TRMT11: variants seen among roughly 807,000 people sequenced by gnomAD.
TRMT11 encodes the protein tRNA (guanine(10)-N(2))-methyltransferase TRMT11.
A neutral mutation model predicts 62.8 loss-of-function variants in TRMT11; 53 were observed. That is an observed-to-expected ratio of 0.84 (90% CI 0.68 to 1.06). TRMT11 has a LOEUF of 1.06. TRMT11 is among the 50% of genes least tolerant of loss of function. The pLI is 0.00. For synonymous variants in TRMT11, 188 were observed against 190.3 expected (o/e 0.99, Z 0.10); for missense variants, 556 against 553.4 (o/e 1.00, Z -0.05).
chr6:126,193,490 A>ATTTT (rs60064329), intron 1 of TRMT11, among the ~76,000 whole-genome samples: 738 of 73,276 alleles, frequency 0.01, 77 homozygotes, highest in African/African-American at 0.039. Flanking sequence ...GCGTTTCTGT[A>ATTTT]TTTTTTTTTT....
intron 2 of TRMT11, among the ~76,000 whole-genome samples, chr6:125,995,154 A>G (rs769693439): frequency 2.2e-4 from 33 of 152,196 alleles, no homozygotes; most frequent in Admixed American, 1.0e-3. Context: ...AAGAAAAAAG[A>G]AAAAAGCTAG....
rs140437542 is a variant in TRMT11, at chr6:126,008,434, A to G, written c.722A>G (p.Tyr241Cys). The change falls in exon 8 of 13, where the codon TAT becomes TGT. Residue 241 changes from tyrosine to cysteine, a missense_variant. Transcript: ENST00000334379. ...TGTGCTCATTTTGGTGCATATGTGTATGGGACAGACATAGACTACAACACA... is the reference window on the plus strand; with the variant it reads ...TGTGCTCATTTTGGTGCATATGTGTGTGGGACAGACATAGACTACAACACA... ...IACAHFGAYVYGTDIDYNTVH... is the reference protein window; with the variant it reads ...IACAHFGAYVCGTDIDYNTVH... 6.2e-6 allele frequency: 10 copies of G among 1,613,130 alleles called. No individual in the cohort carries two copies. Among genetic ancestry groups the G allele is most frequent in the Non-Finnish European group, 8.5e-6 (10 of 1,179,232 alleles).
At chr6:126,200,655 C>T (rs576936335) in intron 3 of TRMT11, among the ~76,000 whole-genome samples, 3 of 152,200 alleles carry the variant, frequency 2.0e-5, no homozygotes, top group East Asian at 3.9e-4. Context: ...CTTGGGTTCA[C>T]GACATTCTCC....
At chr6:126,240,356 T>A in the TRMT11 span, among the ~76,000 whole-genome samples, 4 of 152,206 alleles carry the variant, frequency 2.6e-5, no homozygotes, top group Admixed American at 2.6e-4. Context: ...ACCTTTGGTC[T>A]TTGATGATAG....
chr6:126,074,249 C>T (rs936841204), intron 17 of TRMT11, among the ~76,000 whole-genome samples: 1 of 152,146 alleles, frequency 6.6e-6, no homozygotes, highest in African/African-American at 2.4e-5. Flanking sequence ...CTCAGGGATG[C>T]CTTCTCCAAC....
chr6:126,017,171 G>A (rs1795113673), intron 11 of TRMT11, among the ~76,000 whole-genome samples: 1 of 152,148 alleles, frequency 6.6e-6, no homozygotes, highest in South Asian at 2.1e-4. Flanking sequence ...GTACCTTAGT[G>A]TAGCTTAATT....
intron 17 of TRMT11, among the ~76,000 whole-genome samples, chr6:126,096,285 G>T (rs533106759): frequency 1.3e-5 from 2 of 152,280 alleles, no homozygotes; most frequent in South Asian, 4.2e-4. Flanking sequence ...TCATTCTGTT[G>T]TAAATTTTGT....
chr6:126,000,944 C>G (rs559392422), intron 7 of TRMT11, among the ~76,000 whole-genome samples: 5 of 152,220 alleles, frequency 3.3e-5, no homozygotes, highest in East Asian at 1.9e-4. Flanking sequence ...GGACAAAGAA[C>G]ATGCATGTAT....
chr6:126,258,241 C>T, the TRMT11 span: 33 of 612,286 alleles, frequency 5.4e-5, no homozygotes, highest in Non-Finnish European at 8.9e-5. Context: ...CTGTGCCGCC[C>T]GGGCCTCCTC....
upstream of TRMT11, among the ~76,000 whole-genome samples, chr6:126,174,950 A>G (rs1778368531): frequency 6.6e-6 from 1 of 152,216 alleles, no homozygotes. Context: ...GATAACAACC[A>G]AAGCTCAGAA....
At chr6:126,268,566 G>T in the TRMT11 span, among the ~76,000 whole-genome samples, 3 of 152,124 alleles carry the variant, frequency 2.0e-5, no homozygotes, top group East Asian at 5.8e-4. Flanking sequence ...AGAAGAATTT[G>T]TTCCATGAAT....
chr6:126,060,904 C>T (rs555529506), intron 17 of TRMT11, among the ~76,000 whole-genome samples: 74 of 152,176 alleles, frequency 4.9e-4, no homozygotes, highest in Non-Finnish European at 8.4e-4. Context: ...TTTCTGTGCT[C>T]AGGGATATGG....
At chr6:125,987,013 G>C in intron 1 of TRMT11, 1 of 211,112 alleles carries the variant, frequency 4.7e-6, no homozygotes, top group Non-Finnish European at 9.4e-6. Flanking sequence ...TGGTGGTGGG[G>C]ATTAGATGAT....
chr6:126,203,481 G>A (rs1000308756), downstream of TRMT11, among the ~76,000 whole-genome samples: 3 of 152,094 alleles, frequency 2.0e-5, no homozygotes, highest in African/African-American at 7.2e-5. Context: ...GCCTACCCTG[G>A]TCACCAGCAG....
the TRMT11 span, among the ~76,000 whole-genome samples, chr6:126,244,777 G>T: frequency 1.3e-5 from 2 of 152,130 alleles, no homozygotes; most frequent in African/African-American, 4.8e-5. Flanking sequence ...CAGGTGACAC[G>T]CAAGGTGCAA....
the TRMT11 span, among the ~76,000 whole-genome samples, chr6:126,242,847 G>A: frequency 3.9e-5 from 6 of 152,098 alleles, no homozygotes; most frequent in African/African-American, 1.4e-4. Flanking sequence ...GAAAACCTAG[G>A]CAATACCATT....
chr6:126,185,706 A>C (rs939001686), intron 1 of TRMT11, among the ~76,000 whole-genome samples: 3 of 152,166 alleles, frequency 2.0e-5, no homozygotes, highest in African/African-American at 2.4e-5. Context: ...GCTGCTATGA[A>C]GAAATACCTG....
intron 1 of TRMT11, among the ~76,000 whole-genome samples, chr6:126,186,675 T>C (rs1196465157): frequency 5.3e-5 from 8 of 152,120 alleles, no homozygotes; most frequent in Admixed American, 5.2e-4. Context: ...TTCATATATG[T>C]TGTAGGAGTT....
chr6:126,087,430 TAAACTA>T (rs1375845385), intron 17 of TRMT11, among the ~76,000 whole-genome samples: 1 of 152,206 alleles, frequency 6.6e-6, no homozygotes, highest in African/African-American at 2.4e-5. Context: ...AGACAAATGG[TAAACTA>T]AAGAACATTA....
Sources: gnomAD v4.1 joint callset for allele counts (sites outside exome capture counted in the v4.1 genomes callset) on GRCh38, gnomAD v4.1.1 for gene constraint, MANE v1.5 for transcripts, NCBI Gene and HGNC (gene_info 2026-07-23, HGNC 2026-07-21) for gene names.